Variants in XKR9 observed in about 807,000 individuals in gnomAD.
XKR9 encodes the protein XK related 9, also known as XK-related protein 9.
Under a neutral mutation model 32.0 loss-of-function variants are expected in XKR9, and 32 were observed. The observed-to-expected ratio is 1.00, with a 90% CI of 0.76 to 1.34. The LOEUF (loss-of-function observed/expected upper bound fraction) is 1.34, where lower values mean the gene tolerates loss of function less well. Among genes scored for constraint, XKR9 ranks in the 40% most tolerant of loss-of-function variants. The pLI, the probability that XKR9 is intolerant of heterozygous loss-of-function variation, is 0.00. For missense variants in XKR9, 546 were observed against 429.7 expected (o/e 1.27, Z -2.39); for synonymous variants, 168 against 143.4 (o/e 1.17, Z -1.22).
the XKR9 span, among the ~76,000 whole-genome samples, chr8:71,042,233 C>T: frequency 1.3e-5 from 2 of 152,112 alleles, no homozygotes; most frequent in Non-Finnish European, 2.9e-5. Context: ...GACCTCTAGC[C>T]ATATCTACCA....
At chr8:70,815,611 C>T in the XKR9 span, among the ~76,000 whole-genome samples, 10,573 of 151,670 alleles carry the variant, frequency 0.07, 522 homozygotes, top group Non-Finnish European at 0.097. Flanking sequence ...CTGCAAGCTC[C>T]GCCTCCCGGG....
At chr8:70,817,339 G>A in the XKR9 span, among the ~76,000 whole-genome samples, 1 of 152,044 alleles carries the variant, frequency 6.6e-6, no homozygotes, top group African/African-American at 2.4e-5. Context: ...TAATGTTCAA[G>A]TTGAGAGCCA....
rs1293209562 is a variant in XKR9, at chr8:70,735,569, C to T, written c.*1145C>T. Reference sequence around the variant, plus strand: ...TGCTGGTGTGCTGCACCCATTAACTCGTCATTTATCATTAGGTATATCTCC... The same window carrying T: ...TGCTGGTGTGCTGCACCCATTAACTTGTCATTTATCATTAGGTATATCTCC... On this transcript the variant is annotated 3_prime_UTR_variant, in exon 5 of 5. Coordinates refer to ENST00000408926, the MANE Select transcript of XKR9 (RefSeq NM_001011720.2). The T allele has an allele frequency of 3.3e-5, 5 of 150,062 alleles. No individual in the cohort carries two copies. Among genetic ancestry groups the T allele is most frequent in the Non-Finnish European group, 7.4e-5 (5 of 67,564 alleles). 9.3% of individuals were successfully genotyped at this position (150,062 alleles called of 1,614,324 possible). A position where few individuals can be genotyped will look rare whatever the true frequency, so the allele number is the denominator to read the frequency against.
intron 2 of XKR9, among the ~76,000 whole-genome samples, chr8:70,771,381 A>G (rs981933044): frequency 6.6e-6 from 1 of 152,164 alleles, no homozygotes; most frequent in Non-Finnish European, 1.5e-5. Flanking sequence ...TATTTTTACA[A>G]AGCCTGACTT....
At chr8:71,044,676 C>A in the XKR9 span, among the ~76,000 whole-genome samples, 1 of 152,140 alleles carries the variant, frequency 6.6e-6, no homozygotes, top group Non-Finnish European at 1.5e-5. Flanking sequence ...CTCATCATGG[C>A]AAGATTCTGA....
chr8:70,758,210 G>A (rs1044608393), intron 2 of XKR9, among the ~76,000 whole-genome samples: 4 of 151,872 alleles, frequency 2.6e-5, no homozygotes, highest in African/African-American at 4.8e-5. Flanking sequence ...CTCTGATGTC[G>A]TTCCTTAGGG....
the XKR9 span, among the ~76,000 whole-genome samples, chr8:70,911,330 A>G: frequency 6.6e-6 from 1 of 152,204 alleles, no homozygotes; most frequent in South Asian, 2.1e-4. Context: ...TTATTCAGAA[A>G]ACTTACTTAC....
chr8:71,054,671 G>C, the XKR9 span, among the ~76,000 whole-genome samples: 4 of 152,108 alleles, frequency 2.6e-5, no homozygotes, highest in African/African-American at 4.8e-5. Context: ...GGCATTTTAG[G>C]AAACAGTTCA....
chr8:70,692,132 G>T (rs1318170535), intron 3 of XKR9, among the ~76,000 whole-genome samples: 2 of 151,958 alleles, frequency 1.3e-5, no homozygotes, highest in Admixed American at 1.3e-4. Context: ...TACATCCCTG[G>T]TTAGCTGTAT....
the XKR9 span, among the ~76,000 whole-genome samples, chr8:70,955,405 G>A: frequency 6.6e-6 from 1 of 152,152 alleles, no homozygotes; most frequent in African/African-American, 2.4e-5. Flanking sequence ...TTTTTAAAAG[G>A]ATGTTATATA....
intron 2 of XKR9, among the ~76,000 whole-genome samples, chr8:70,745,937 A>G (rs772363209): frequency 6.6e-6 from 1 of 152,160 alleles, no homozygotes; most frequent in Non-Finnish European, 1.5e-5. Context: ...AATAAATTCA[A>G]AGTTGGACTT....
At chr8:70,752,303 C>T (rs186202350) in intron 2 of XKR9, among the ~76,000 whole-genome samples, 14 of 152,154 alleles carry the variant, frequency 9.2e-5, no homozygotes, top group African/African-American at 3.1e-4. Flanking sequence ...CCTGAATACC[C>T]GAGTCTTGGT....
the XKR9 span, among the ~76,000 whole-genome samples, chr8:70,871,875 A>T: frequency 6.6e-6 from 1 of 152,242 alleles, no homozygotes; most frequent in Non-Finnish European, 1.5e-5. Flanking sequence ...CAAATTGTGA[A>T]TGCAAAGAAA....
At chr8:70,971,621 T>C in the XKR9 span, among the ~76,000 whole-genome samples, 8 of 152,332 alleles carry the variant, frequency 5.3e-5, no homozygotes, top group African/African-American at 1.9e-4. Flanking sequence ...TTGATCCATT[T>C]TGAGTTGATT....
intron 3 of XKR9, among the ~76,000 whole-genome samples, chr8:70,698,030 ATC>A (rs1805353826): frequency 6.6e-6 from 1 of 150,670 alleles, no homozygotes; most frequent in Non-Finnish European, 1.5e-5. Context: ...CGGTGGTGAT[ATC>A]CCCTTTATCA....
chr8:71,043,716 A>G, the XKR9 span, among the ~76,000 whole-genome samples: 14 of 152,306 alleles, frequency 9.2e-5, no homozygotes, highest in Admixed American at 7.8e-4. Flanking sequence ...CAATCTGGCA[A>G]TTGTATAAAC....
chr8:70,905,678 C>T, the XKR9 span, among the ~76,000 whole-genome samples: 13 of 152,164 alleles, frequency 8.5e-5, no homozygotes, highest in South Asian at 6.2e-4. Context: ...CAAGGAGCTG[C>T]GTTCCTTTGG....
At chr8:70,753,344 G>A (rs2130188860) in intron 2 of XKR9, among the ~76,000 whole-genome samples, 1 of 151,772 alleles carries the variant, frequency 6.6e-6, no homozygotes, top group Non-Finnish European at 1.5e-5. Flanking sequence ...GTACAAGGAG[G>A]AACTGGTACC....
intron 2 of XKR9, among the ~76,000 whole-genome samples, chr8:70,676,043 A>G (rs1408586226): frequency 6.6e-6 from 1 of 152,242 alleles, no homozygotes; most frequent in African/African-American, 2.4e-5. Flanking sequence ...AAATAAGTTT[A>G]ATAGGCTCAT....
Sources: gnomAD v4.1 joint callset for allele counts (sites outside exome capture counted in the v4.1 genomes callset) on GRCh38, gnomAD v4.1.1 for gene constraint, MANE v1.5 for transcripts, NCBI Gene and HGNC (gene_info 2026-07-23, HGNC 2026-07-21) for gene names.